The following TFAP2A variants were observed in gnomAD, a reference collection of about 807,000 sequenced individuals.
The protein encoded by TFAP2A is transcription factor AP-2-alpha.
TFAP2A carries 7 observed loss-of-function variants against 41.5 expected under a neutral mutation model. That is an observed-to-expected ratio of 0.17 (90% CI 0.10 to 0.32). TFAP2A has a LOEUF of 0.32. TFAP2A is among the 10% of genes least tolerant of loss of function. The probability of loss-of-function intolerance (pLI) is 1.00; values close to 1 mark genes in which losing one functional copy is unlikely to be tolerated. For synonymous variants in TFAP2A, 247 were observed against 242.8 expected (o/e 1.02, Z -0.16); for missense variants, 416 against 563.3 (o/e 0.74, Z 2.65).
chr6:10,403,686 C>T (rs560587073), intron 4 of TFAP2A, among the ~76,000 whole-genome samples: 1 of 152,172 alleles, frequency 6.6e-6, no homozygotes, highest in African/African-American at 2.4e-5. Context: ...GGGTAGGAAG[C>T]CCACAGCAGG....
At position 10,398,659 on chromosome 6, in the gene TFAP2A, G is replaced by C; in HGVS notation, c.1078C>G (p.Pro360Ala). ...GGGTTGGGCCGTGAGTTCCCCAGGG[G>C]AGATCGGTCCTGAGCCAGCAGGTCG... is the stretch of plus-strand genomic sequence containing the variant. ...FTDLLAQDRS[P>A]LGNSRPNPIL... The change falls in exon 7 of 7, where the codon CCC becomes GCC. Residue 360 changes from proline to alanine, a missense_variant. By Grantham distance (27) the Pro-to-Ala change is conservative. This residue lies in a region of TFAP2A where 116 missense variants were observed against 153.8 expected (regional missense o/e 0.75). Transcript: ENST00000379613. The surrounding 1 kb of genome is among the most constrained non-coding windows in gnomAD (Gnocchi z 5.3). 1 of 1,614,168 alleles carries C rather than the reference G, an allele frequency of 6.2e-7. No homozygotes were observed. Among genetic ancestry groups the C allele is most frequent in the Non-Finnish European group, 8.5e-7 (1 of 1,180,020 alleles).
At chr6:10,410,462 A>G in intron 1 of TFAP2A, 127 bp from the exon 2 acceptor site, 1 of 871,166 alleles carries the variant, frequency 1.1e-6, no homozygotes, top group East Asian at 2.6e-5. Context: ...CCGCCGGGAA[A>G]AAATCAGCTC....
At chr6:10,412,675 T>C (rs1265310526) in intron 1 of TFAP2A, 2 of 340,292 alleles carry the variant, frequency 5.9e-6, no homozygotes, top group Non-Finnish European at 1.2e-5. Context: ...CGTGGGGCTC[T>C]CGGCGCGGCA....
chr6:10,408,736 A>T (rs1203885625), intron 2 of TFAP2A, among the ~76,000 whole-genome samples: 1 of 152,242 alleles, frequency 6.6e-6, no homozygotes, highest in East Asian at 1.9e-4. Flanking sequence ...TCAGTGACTA[A>T]CTGGGCCAAA....
At chr6:10,413,279 T>G (rs1005510315) in intron 1 of TFAP2A, among the ~76,000 whole-genome samples, 3 of 152,228 alleles carry the variant, frequency 2.0e-5, no homozygotes, top group South Asian at 2.1e-4. Flanking sequence ...CTCTCTCATC[T>G]TTTTTTGCCT....
rs781698007 is a variant in TFAP2A at position 10,398,373 on chromosome 6, G to C, written c.*44C>G. On this transcript the variant is annotated 3_prime_UTR_variant, in exon 7 of 7. Coordinates refer to ENST00000379613, the MANE Select transcript of TFAP2A (RefSeq NM_001372066.1). This position sits in a 1 kb window ranked among gnomAD's most constrained non-coding sequence, Gnocchi z 5.3. Reference sequence around the variant, plus strand: ...GTCACCCGCCGGAGGGTGGGCGCGCGGGGGGCTGGTGAGGCGTGGGAGGGG... The same window carrying C: ...GTCACCCGCCGGAGGGTGGGCGCGCCGGGGGCTGGTGAGGCGTGGGAGGGG... The C allele has an allele frequency of 1.2e-6, 2 of 1,610,520 alleles. No homozygotes were observed. The highest frequency in any genetic ancestry group is 2.2e-5 in the East Asian group (1 of 44,844).
chr6:10,404,493 CGT>C lies in TFAP2A; in HGVS notation c.770+13_770+14del. On this transcript the variant is annotated intron_variant, in intron 4 of 6. Transcript: ENST00000379613. ...GGCCGCGGGGCGGGGCGGGCGGGGC[CGT>C]GCCGGGCCTCACCTCCGGAGCACTC... The C allele has an allele frequency of 6.5e-7, 1 of 1,548,520 alleles. No homozygotes were observed. Among genetic ancestry groups the C allele is most frequent in the Non-Finnish European group, 8.7e-7 (1 of 1,147,754 alleles).
chr6:10,410,213 T>C lies in TFAP2A; in HGVS notation c.174A>G (p.Pro58=). ...TAGGCTGGTAGGGTGGGGGGAAGTA[T>C]GGGGGCTGGAAGTCGGCATTGGGGG... is the stretch of plus-strand genomic sequence containing the variant. The part of the protein sequence containing the change: ...SHTPNADFQP[P]YFPPPYQPIY... The change falls in exon 2 of 7, where the codon CCA becomes CCG. Residue 58 remains proline, a synonymous_variant. Coordinates refer to ENST00000379613, the MANE Select transcript of TFAP2A (RefSeq NM_001372066.1). 3.1e-6 allele frequency: 1 copy of C among 322,004 alleles called. No individual in the cohort carries two copies. The highest frequency in any genetic ancestry group is 3.5e-5 in the South Asian group (1 of 28,974). The allele number at this position is 322,004 out of a possible 1,614,324, so 19.9% of individuals were successfully genotyped here.
At chr6:10,413,634 C>T (rs898129560) in intron 1 of TFAP2A, among the ~76,000 whole-genome samples, 1 of 152,224 alleles carries the variant, frequency 6.6e-6, no homozygotes, top group African/African-American at 2.4e-5. Context: ...GACAGGACCC[C>T]CCCAGGGAAG....
At chr6:10,409,571 A>C (rs969476221) in intron 2 of TFAP2A, 1 of 310,818 alleles carries the variant, frequency 3.2e-6, no homozygotes, top group Non-Finnish European at 6.1e-6. Context: ...CAGCGATGGA[A>C]GTAGATCTTT....
At position 10,400,449 on chromosome 6, in the gene TFAP2A, T is replaced by C. The variant is rs1761966097; in HGVS notation, c.1030A>G (p.Lys344Glu). 1.2e-6 allele frequency: 2 copies of C among 1,614,176 alleles called. No individual in the cohort carries two copies. The highest frequency in any genetic ancestry group is 1.7e-6 in the Non-Finnish European group (2 of 1,180,044). ...ACCCCATAGAGGTAAATGCCTTACTTTGTAGCCAGGAGCATGTTTTTTCTT... is the reference window on the plus strand; with the variant it reads ...ACCCCATAGAGGTAAATGCCTTACTCTGTAGCCAGGAGCATGTTTTTTCTT... Reference protein sequence around the residue: ...VTRKNMLLATKQICKEFTDLL... With the variant: ...VTRKNMLLATEQICKEFTDLL... The change falls in exon 6 of 7, where the codon AAA becomes GAA. Residue 344 changes from lysine to glutamate, a missense_variant and splice_region_variant. Lys to Glu is a moderately conservative substitution (Grantham distance 56). Transcript: ENST00000379613.
Position 10,410,290 on chromosome 6 carries a change from G to T in TFAP2A, c.97C>A (p.Leu33Met). 6.2e-7 allele frequency: 1 copy of T among 1,612,702 alleles called. No individual in the cohort carries two copies. The highest frequency in any genetic ancestry group is 8.5e-7 in the Non-Finnish European group (1 of 1,179,654). Residue 33 changes from leucine (L) to methionine (M), a missense_variant, in exon 2 of 7, where the codon CTG becomes ATG. Transcript: ENST00000379613. ...TAGGGAGATTGACCTACAGTGCCCA[G>T]CTGGGGCAACCGTGCCGTCCCGTTG... ...TSNGTARLPQ[L>M]GTVGQSPYTS...
At chr6:10,400,766 T>C in intron 5 of TFAP2A, 177 bp from the exon 6 acceptor site, 1 of 794,962 alleles carries the variant, frequency 1.3e-6, no homozygotes, top group South Asian at 1.5e-5. Context: ...GGTGGATGCA[T>C]TTATCAGGAA....
chr6:10,397,851 C>T lies in TFAP2A; in HGVS notation c.*566G>A. ...CTACAACTGAAGACATGACATGGAA[C>T]TTCGTGTATTTGTGTTCAAGTTTAT... On this transcript the variant is annotated 3_prime_UTR_variant, in exon 7 of 7. Coordinates refer to ENST00000379613, the MANE Select transcript of TFAP2A (RefSeq NM_001372066.1). The T allele has an allele frequency of 1.0e-6, 1 of 985,906 alleles. No individual in the cohort carries two copies. The highest frequency in any genetic ancestry group is 1.2e-6 in the Non-Finnish European group (1 of 830,988). The allele number at this position is 985,906 out of a possible 1,614,324, so 61.1% of individuals were successfully genotyped here. A position where few individuals can be genotyped will look rare whatever the true frequency, so the allele number is the denominator to read the frequency against.
chr6:10,412,164 AT>A, intron 1 of TFAP2A: 1 of 989,022 alleles, frequency 1.0e-6, no homozygotes, highest in Non-Finnish European at 1.2e-6. Context: ...AGTGTAGCAA[AT>A]CGGAGTGGGG....
At position 10,398,319 on chromosome 6, in the gene TFAP2A, C is replaced by G. The variant is rs936995435; in HGVS notation, c.*98G>C. 2 of 1,597,164 alleles carry G rather than the reference C, an allele frequency of 1.3e-6. No homozygotes were observed. ...GCGGCAGCAGCAGCAGCAGTAGCAG[C>G]AGCAGGAAGGGTTGCTGATCCCGGA... On this transcript the variant is annotated 3_prime_UTR_variant, in exon 7 of 7. Coordinates refer to ENST00000379613, the MANE Select transcript of TFAP2A (RefSeq NM_001372066.1). This position sits in a 1 kb window ranked among gnomAD's most constrained non-coding sequence, Gnocchi z 5.3.
At position 10,398,089 on chromosome 6, in the gene TFAP2A, AAAAAGGGTTCACAAACTT is replaced by A; in HGVS notation, c.*310_*327del. 8.3e-7 allele frequency: 1 copy of A among 1,203,002 alleles called. No individual in the cohort carries two copies. Among genetic ancestry groups the A allele is most frequent in the Non-Finnish European group, 1.0e-6 (1 of 966,600 alleles). The allele number at this position is 1,203,002 out of a possible 1,614,324, so 74.5% of individuals were successfully genotyped here. A position where few individuals can be genotyped will look rare whatever the true frequency, so the allele number is the denominator to read the frequency against. On this transcript the variant is annotated 3_prime_UTR_variant, in exon 7 of 7. Coordinates refer to ENST00000379613, the MANE Select transcript of TFAP2A (RefSeq NM_001372066.1). This position sits in a 1 kb window ranked among gnomAD's most constrained non-coding sequence, Gnocchi z 5.3. ...GTTGATTTGTTGTTTTGTTTAAAAAAAAAAGGGTTCACAAACTTGGCAGAACTTTTCTCTGCTGGCTTC... is the reference window on the plus strand; with the variant it reads ...GTTGATTTGTTGTTTTGTTTAAAAAAGGCAGAACTTTTCTCTGCTGGCTTC...
intron 1 of TFAP2A, chr6:10,411,477 C>A (rs1449191845): frequency 6.2e-7 from 1 of 1,607,722 alleles, no homozygotes; most frequent in South Asian, 1.1e-5. Context: ...GAAAGCTGGG[C>A]GTGAAACCCG....
intron 4 of TFAP2A, among the ~76,000 whole-genome samples, chr6:10,403,052 C>G (rs549470634): frequency 1.8e-4 from 27 of 152,332 alleles, no homozygotes; most frequent in African/African-American, 5.8e-4. Flanking sequence ...ATCACTCTCA[C>G]GTTTCTTGCT....
Sources: allele counts gnomAD v4.1 joint callset (sites outside exome capture counted in the v4.1 genomes callset), GRCh38; gene constraint gnomAD v4.1.1; regional missense constraint gnomAD v4.1.1; non-coding constraint Gnocchi (gnomAD v3.1); transcripts MANE v1.5; gene names NCBI Gene and HGNC (gene_info 2026-07-23, HGNC 2026-07-21).